QTMAN: variants seen among roughly 807,000 people sequenced by gnomAD.
The protein encoded by QTMAN is queuosine-tRNA mannosyltransferase.
chr2:144,261,913 A>G, the QTMAN span, among the ~76,000 whole-genome samples: 1 of 152,136 alleles, frequency 6.6e-6, no homozygotes, highest in African/African-American at 2.4e-5. Context: ...TCAGAGGGGA[A>G]AAAATTAAAA....
the QTMAN span, among the ~76,000 whole-genome samples, chr2:143,979,441 C>A: frequency 1.3e-5 from 2 of 152,140 alleles, no homozygotes; most frequent in Admixed American, 6.5e-5. Flanking sequence ...AAATGCGTGT[C>A]CATTGTAATA....
chr2:144,145,696 C>A, the QTMAN span: 1 of 1,611,510 alleles, frequency 6.2e-7, no homozygotes, highest in South Asian at 1.1e-5. Flanking sequence ...GGCCGAAGGG[C>A]AGCCAGTTCG....
At chr2:144,300,283 C>T in the QTMAN span, among the ~76,000 whole-genome samples, 1 of 152,108 alleles carries the variant, frequency 6.6e-6, no homozygotes, top group Non-Finnish European at 1.5e-5. Flanking sequence ...CATTTTACCA[C>T]AGTAAAAACT....
At chr2:144,118,175 T>C in the QTMAN span, among the ~76,000 whole-genome samples, 1 of 152,190 alleles carries the variant, frequency 6.6e-6, no homozygotes, top group African/African-American at 2.4e-5. Flanking sequence ...ACCTGTCTCC[T>C]AACAATCTGG....
At chr2:144,033,585 T>C in the QTMAN span, among the ~76,000 whole-genome samples, 1 of 152,186 alleles carries the variant, frequency 6.6e-6, no homozygotes, top group South Asian at 2.1e-4. Flanking sequence ...TATGTAGGTA[T>C]GACTGATTAC....
the QTMAN span, among the ~76,000 whole-genome samples, chr2:143,962,498 T>C: frequency 6.6e-6 from 1 of 152,242 alleles, no homozygotes; most frequent in African/African-American, 2.4e-5. Flanking sequence ...CAAACACTTA[T>C]TATTGTTATA....
the QTMAN span, among the ~76,000 whole-genome samples, chr2:144,168,620 C>A: frequency 1.3e-5 from 2 of 151,894 alleles, no homozygotes; most frequent in African/African-American, 4.8e-5. Flanking sequence ...GAAATTTTTA[C>A]AATAAAAATT....
the QTMAN span, among the ~76,000 whole-genome samples, chr2:144,244,443 C>T: frequency 6.6e-6 from 1 of 152,194 alleles, no homozygotes; most frequent in Non-Finnish European, 1.5e-5. Context: ...GAATACCAAA[C>T]TGTTGGGTGT....
At chr2:144,189,363 C>G in the QTMAN span, among the ~76,000 whole-genome samples, 1 of 152,184 alleles carries the variant, frequency 6.6e-6, no homozygotes, top group Non-Finnish European at 1.5e-5. Flanking sequence ...AGGCAGTACA[C>G]AGGGTTTGCT....
chr2:144,306,292 C>A, the QTMAN span, among the ~76,000 whole-genome samples: 1 of 152,284 alleles, frequency 6.6e-6, no homozygotes, highest in East Asian at 1.9e-4. Flanking sequence ...CTGACAAAGA[C>A]ATTACAACCC....
chr2:144,251,045 G>A, the QTMAN span, among the ~76,000 whole-genome samples: 1 of 151,854 alleles, frequency 6.6e-6, no homozygotes, highest in Admixed American at 6.6e-5. Flanking sequence ...CTTATAATGA[G>A]CCATTTTGAA....
chr2:144,152,068 A>G, the QTMAN span, among the ~76,000 whole-genome samples: 2 of 152,228 alleles, frequency 1.3e-5, no homozygotes, highest in African/African-American at 4.8e-5. Flanking sequence ...TTATAAATAG[A>G]GTAGCCAGTT....
the QTMAN span, among the ~76,000 whole-genome samples, chr2:143,966,683 G>C: frequency 6.6e-6 from 1 of 152,292 alleles, no homozygotes; most frequent in South Asian, 2.1e-4. Context: ...TGATGCAAAA[G>C]ATCTATAAAC....
At chr2:143,961,798 G>T in the QTMAN span, among the ~76,000 whole-genome samples, 1 of 152,026 alleles carries the variant, frequency 6.6e-6, no homozygotes, top group East Asian at 1.9e-4. Flanking sequence ...TAAGCCCAGG[G>T]ACTGGCATGC....
chr2:144,158,582 C>T, the QTMAN span, among the ~76,000 whole-genome samples: 1 of 151,718 alleles, frequency 6.6e-6, no homozygotes, highest in Non-Finnish European at 1.5e-5. Flanking sequence ...GACATCAGAT[C>T]TTTACAAGCA....
the QTMAN span, among the ~76,000 whole-genome samples, chr2:144,224,775 C>G: frequency 6.6e-6 from 1 of 152,150 alleles, no homozygotes. Flanking sequence ...AAAACATAAA[C>G]AAATTTGCTT....
chr2:144,274,778 C>T, the QTMAN span, among the ~76,000 whole-genome samples: 1 of 152,198 alleles, frequency 6.6e-6, no homozygotes, highest in Non-Finnish European at 1.5e-5. Flanking sequence ...TTCTGTAAGC[C>T]CTCCTAGCAA....
the QTMAN span, among the ~76,000 whole-genome samples, chr2:144,077,641 G>A: frequency 1.3e-5 from 2 of 152,114 alleles, no homozygotes; most frequent in Non-Finnish European, 2.9e-5. Flanking sequence ...GTATGGTTGT[G>A]TCTATCTACA....
chr2:144,111,728 C>A, the QTMAN span, among the ~76,000 whole-genome samples: 1 of 152,288 alleles, frequency 6.6e-6, no homozygotes, highest in Admixed American at 6.5e-5. Flanking sequence ...GACTCTCTTC[C>A]AACATTAAGA....
Sources: allele counts gnomAD v4.1 joint callset (sites outside exome capture counted in the v4.1 genomes callset), GRCh38; gene constraint gnomAD v4.1.1; transcripts MANE v1.5; gene names NCBI Gene and HGNC (gene_info 2026-07-23, HGNC 2026-07-21).